Variants in ASTN2 observed in about 807,000 individuals in gnomAD.
ASTN2 encodes the protein astrotactin 2, also known as astrotactin-2.
ASTN2 carries 54 observed loss-of-function variants against 139.8 expected under a neutral mutation model. The observed-to-expected ratio is 0.39, with a 90% CI of 0.31 to 0.48. The LOEUF (loss-of-function observed/expected upper bound fraction) is 0.48. Among genes scored for constraint, ASTN2 ranks in the 20% least tolerant of loss-of-function variants. The probability of loss-of-function intolerance (pLI) is 0.95; values close to 1 mark genes in which losing one functional copy is unlikely to be tolerated. For missense variants in ASTN2, 1,565 were observed against 1,725.1 expected, an observed-to-expected ratio of 0.91 and a Z score of 1.64; for synonymous variants, 756 against 719.5, an observed-to-expected ratio of 1.05 and a Z score of -0.81.
At chr9:117,050,044 C>A (rs929971157) in intron 5 of ASTN2, among the ~76,000 whole-genome samples, 1 of 152,044 alleles carries the variant, frequency 6.6e-6, no homozygotes, top group Non-Finnish European at 1.5e-5. Context: ...GCTGACTTAC[C>A]CAAAATGTTA....
At chr9:116,990,470 C>T (rs1836821825) in intron 7 of ASTN2, among the ~76,000 whole-genome samples, 1 of 149,384 alleles carries the variant, frequency 6.7e-6, no homozygotes, top group African/African-American at 2.5e-5. Flanking sequence ...TCTCACCATG[C>T]TGGCCAAGCT....
intron 10 of ASTN2, among the ~76,000 whole-genome samples, chr9:116,958,302 C>T (rs1835775639): frequency 6.6e-6 from 1 of 151,988 alleles, no homozygotes; most frequent in Non-Finnish European, 1.5e-5. Context: ...ACTAAAGAGC[C>T]AACACTGGCC....
chr9:117,205,236 A>G (rs577144799), intron 3 of ASTN2, among the ~76,000 whole-genome samples: 2 of 150,572 alleles, frequency 1.3e-5, no homozygotes, highest in Admixed American at 6.7e-5. Context: ...AGCTTGAAGG[A>G]AAGCTGGAGA....
At chr9:117,076,164 C>T (rs1294511723) in intron 5 of ASTN2, among the ~76,000 whole-genome samples, 1 of 152,190 alleles carries the variant, frequency 6.6e-6, no homozygotes, top group Non-Finnish European at 1.5e-5. Flanking sequence ...GAATTCCATG[C>T]TGGCATAAAG....
At chr9:117,410,615 C>A (rs573567739) in intron 1 of ASTN2, among the ~76,000 whole-genome samples, 1 of 152,304 alleles carries the variant, frequency 6.6e-6, no homozygotes, top group African/African-American at 2.4e-5. Context: ...ATTTCCAGAT[C>A]CTAACCAGCG....
Position 116,699,672 on chromosome 9 carries a change from A to T in ASTN2, c.2806+26099T>A, listed in dbSNP as rs1462453134. The T allele has an allele frequency of 2.5e-6, 4 of 1,614,048 alleles. No homozygotes were observed. Among genetic ancestry groups the T allele is most frequent in the Non-Finnish European group, 3.4e-6 (4 of 1,180,044 alleles). The stretch of plus-strand genomic sequence containing the variant: ...TTGGGATCATTGCATCAAGATCTAC[A>T]GCTACCATCTGAGAAGATATTCCAC... On this transcript the variant is annotated intron_variant, in intron 16 of 22. Coordinates refer to ENST00000313400, the MANE Select transcript of ASTN2 (RefSeq NM_001365068.1). This position sits in a 1 kb window ranked among gnomAD's most constrained non-coding sequence, Gnocchi z 4.2.
At chr9:116,662,320 T>C (rs1053901165) in intron 16 of ASTN2, among the ~76,000 whole-genome samples, 6 of 152,078 alleles carry the variant, frequency 3.9e-5, no homozygotes, top group African/African-American at 7.2e-5. Flanking sequence ...TGCCTGTAAT[T>C]CCAACACTTT....
chr9:116,908,865 G>C (rs1278207109), intron 10 of ASTN2, among the ~76,000 whole-genome samples: 1 of 152,234 alleles, frequency 6.6e-6, no homozygotes, highest in African/African-American at 2.4e-5. Context: ...AGACCTGGGT[G>C]AAGTGATGGG....
At chr9:116,896,888 G>A (rs1833892530) in intron 10 of ASTN2, among the ~76,000 whole-genome samples, 1 of 152,106 alleles carries the variant, frequency 6.6e-6, no homozygotes. Flanking sequence ...ATTACAATTC[G>A]AGATGAGATT....
intron 3 of ASTN2, among the ~76,000 whole-genome samples, chr9:117,169,582 A>G (rs1451732130): frequency 1.3e-5 from 2 of 152,178 alleles, no homozygotes; most frequent in African/African-American, 4.8e-5. Context: ...AAACAATGAC[A>G]GGATGATGCG....
intron 2 of ASTN2, among the ~76,000 whole-genome samples, chr9:117,246,419 G>T (rs895072100): frequency 6.6e-6 from 1 of 152,146 alleles, no homozygotes; most frequent in Non-Finnish European, 1.5e-5. Context: ...TTGTGTGGAC[G>T]AGGAGAAGCC....
intron 10 of ASTN2, among the ~76,000 whole-genome samples, chr9:116,910,511 A>G (rs1357847145): frequency 1.3e-5 from 2 of 152,186 alleles, no homozygotes; most frequent in African/African-American, 2.4e-5. Flanking sequence ...ACACGCTTAC[A>G]TACAAACGTT....
chr9:117,187,967 T>C (rs1490659958), intron 3 of ASTN2, among the ~76,000 whole-genome samples: 1 of 152,112 alleles, frequency 6.6e-6, no homozygotes, highest in African/African-American at 2.4e-5. Flanking sequence ...AACCAAGGCT[T>C]GGAGCAGGGT....
chr9:117,352,378 T>C (rs1829417231), intron 1 of ASTN2, among the ~76,000 whole-genome samples: 1 of 152,156 alleles, frequency 6.6e-6, no homozygotes, highest in Non-Finnish European at 1.5e-5. Flanking sequence ...AGAGATATTA[T>C]CTCCACCAAC....
chr9:117,212,041 C>A (rs1480952257), intron 3 of ASTN2, among the ~76,000 whole-genome samples: 1 of 152,062 alleles, frequency 6.6e-6, no homozygotes, highest in Non-Finnish European at 1.5e-5. Context: ...AAAGTAAATG[C>A]AGTATGGTAC....
chr9:116,967,311 G>T (rs1437848079), intron 10 of ASTN2, among the ~76,000 whole-genome samples: 8 of 152,168 alleles, frequency 5.3e-5, no homozygotes, highest in African/African-American at 1.9e-4. Context: ...GCTAGTCAGT[G>T]GTGGAGCTGG....
chr9:116,496,004 C>T (rs1439292006), intron 19 of ASTN2, among the ~76,000 whole-genome samples: 2 of 152,164 alleles, frequency 1.3e-5, no homozygotes, highest in African/African-American at 4.8e-5. Context: ...ATGGAGCCTT[C>T]TTCCCCTTGT....
intron 10 of ASTN2, among the ~76,000 whole-genome samples, chr9:116,884,669 C>T (rs61314056): frequency 0.14 from 21,987 of 151,912 alleles, 2,052 homozygotes; most frequent in Non-Finnish European, 0.2. Flanking sequence ...AAAACTCCAT[C>T]TCAAACAAAA....
In ASTN2 at chr9:116,788,068, A is replaced by C. The variant is rs183021531; in HGVS notation, c.2396+17564T>G. 1.3e-3 allele frequency among the ~76,000 whole-genome samples: 195 copies of C among 152,326 alleles called. 2 individuals carry two copies. The highest frequency in any genetic ancestry group is 0.011 in the Admixed American group (165 of 15,296). On this transcript the variant is annotated intron_variant, in intron 13 of 22. Transcript: ENST00000313400. ...CTAAGTGAAATAAGCCAAACACAGA[A>C]AGACAAATACTGCATGTTCTCACTT... is the stretch of plus-strand genomic sequence containing the variant.
Sources: gnomAD v4.1 joint callset for allele counts (sites outside exome capture counted in the v4.1 genomes callset) on GRCh38, gnomAD v4.1.1 for gene constraint, Gnocchi (gnomAD v3.1) non-coding constraint, MANE v1.5 for transcripts, NCBI Gene and HGNC (gene_info 2026-07-23, HGNC 2026-07-21) for gene names.